The following PTPRD variants were observed in gnomAD, a reference collection of about 807,000 sequenced individuals.
The protein encoded by PTPRD is protein tyrosine phosphatase receptor type D, also known as receptor-type tyrosine-protein phosphatase delta.
A neutral mutation model predicts 214.5 loss-of-function variants in PTPRD; 34 were observed. The observed-to-expected ratio is 0.16, with a 90% CI of 0.12 to 0.21. PTPRD has a LOEUF of 0.21. Among genes scored for constraint, PTPRD ranks in the 10% least tolerant of loss-of-function variants. PTPRD has a pLI of 1.00. For synonymous variants in PTPRD, 1,128 were observed against 845.7 expected, an observed-to-expected ratio of 1.33 and a Z score of -5.79; for missense variants, 2,545 against 2,398.7, an observed-to-expected ratio of 1.06 and a Z score of -1.27.
intron 5 of PTPRD, among the ~76,000 whole-genome samples, chr9:9,777,482 C>T (rs2098807678): frequency 6.6e-6 from 1 of 152,040 alleles, no homozygotes; most frequent in Admixed American, 6.6e-5. Flanking sequence ...ATCACTTGAG[C>T]CCAAGAGTTT....
intron 14 of PTPRD, among the ~76,000 whole-genome samples, chr9:8,585,373 T>G (rs1292004287): frequency 6.6e-6 from 1 of 152,198 alleles, no homozygotes; most frequent in Non-Finnish European, 1.5e-5. Context: ...CCTGGTTCTG[T>G]CAAGGTTTAA....
chr9:10,171,158 T>C (rs565497044), intron 3 of PTPRD, among the ~76,000 whole-genome samples: 1 of 152,334 alleles, frequency 6.6e-6, no homozygotes, highest in African/African-American at 2.4e-5. Flanking sequence ...TATCTATACC[T>C]GGGAGATCTA....
At chr9:10,370,281 A>G (rs1327317938) in intron 2 of PTPRD, among the ~76,000 whole-genome samples, 1 of 152,122 alleles carries the variant, frequency 6.6e-6, no homozygotes, top group Admixed American at 6.6e-5. Flanking sequence ...GAAAGGAAGT[A>G]TTAGAACGCA....
At chr9:9,653,374 A>AAAAAAAAAG (rs2096421837) in intron 7 of PTPRD, among the ~76,000 whole-genome samples, 1 of 138,948 alleles carries the variant, frequency 7.2e-6, no homozygotes, top group African/African-American at 2.8e-5. Flanking sequence ...AAAAAAAAAA[A>AAAAAAAAAG]AAAAAAAAAA....
intron 2 of PTPRD, among the ~76,000 whole-genome samples, chr9:10,408,267 T>G (rs1565843859): frequency 6.6e-6 from 1 of 151,528 alleles, no homozygotes; most frequent in Non-Finnish European, 1.5e-5. Context: ...TAGAATGTGG[T>G]TATGGGCTAA....
At chr9:8,500,090 G>C (rs951357427) in intron 24 of PTPRD, among the ~76,000 whole-genome samples, 2 of 145,202 alleles carry the variant, frequency 1.4e-5, no homozygotes, top group Admixed American at 6.8e-5. Context: ...AAGAGTATCA[G>C]AGAAATAGAA....
At chr9:10,515,797 G>C (rs778331846) in intron 2 of PTPRD, among the ~76,000 whole-genome samples, 1 of 151,812 alleles carries the variant, frequency 6.6e-6, no homozygotes, top group Non-Finnish European at 1.5e-5. Flanking sequence ...GCTTCTATTA[G>C]TTTGATTATT....
intron 11 of PTPRD, among the ~76,000 whole-genome samples, chr9:8,896,490 T>C (rs548373030): frequency 3.3e-5 from 5 of 152,204 alleles, no homozygotes; most frequent in Non-Finnish European, 5.9e-5. Flanking sequence ...GGCTCAATGA[T>C]GAATGAAATT....
chr9:8,786,168 G>A (rs2095953785), intron 11 of PTPRD, among the ~76,000 whole-genome samples: 1 of 151,914 alleles, frequency 6.6e-6, no homozygotes, highest in Admixed American at 6.6e-5. Flanking sequence ...TATGGAAAAT[G>A]GCCATGGAAC....
chr9:9,661,712 C>T lies in PTPRD; in HGVS notation c.-287+72821G>A, dbSNP rs80156983. Among the ~76,000 whole-genome samples, 1,140 of 151,380 alleles carry T rather than the reference C, an allele frequency of 7.5e-3. 12 individuals carry two copies. The highest frequency in any genetic ancestry group is 0.026 in the African/African-American group (1,060 of 41,306). On this transcript the variant is annotated intron_variant, in intron 7 of 45. Coordinates refer to ENST00000381196, the MANE Select transcript of PTPRD (RefSeq NM_002839.4). Reference sequence around the variant, plus strand: ...ACTAGGTTTGACATACAACATGATTCGAAGAAGATGGTGATGTAAGATGTT... The same window carrying T: ...ACTAGGTTTGACATACAACATGATTTGAAGAAGATGGTGATGTAAGATGTT...
At chr9:10,520,990 CT>C (rs147521651) in intron 2 of PTPRD, among the ~76,000 whole-genome samples, 83 of 151,472 alleles carry the variant, frequency 5.5e-4, no homozygotes, top group African/African-American at 1.7e-3. Context: ...AACATGTAGC[CT>C]ATGGATCAAG....
At chr9:8,768,561 T>A (rs1365106008) in intron 11 of PTPRD, among the ~76,000 whole-genome samples, 2 of 151,966 alleles carry the variant, frequency 1.3e-5, no homozygotes, top group Non-Finnish European at 2.9e-5. Flanking sequence ...TCAAAATAAA[T>A]AAATAATTTT....
chr9:8,734,328 G>A (rs375394197), intron 11 of PTPRD, among the ~76,000 whole-genome samples: 4 of 152,224 alleles, frequency 2.6e-5, no homozygotes, highest in Non-Finnish European at 5.9e-5. Context: ...AGTGCTATGA[G>A]AAAGATTTAA....
intron 43 of PTPRD, among the ~76,000 whole-genome samples, chr9:8,333,542 C>A (rs888606069): frequency 6.6e-6 from 1 of 152,136 alleles, no homozygotes; most frequent in Non-Finnish European, 1.5e-5. Flanking sequence ...CTTACAAGAG[C>A]TCCTGAAGGA....
At chr9:9,007,790 T>C (rs1366419349) in intron 11 of PTPRD, among the ~76,000 whole-genome samples, 3 of 148,622 alleles carry the variant, frequency 2.0e-5, no homozygotes, top group Non-Finnish European at 3.0e-5. Context: ...TATCTTTCAG[T>C]TGTTTCTTTC....
At chr9:9,255,536 T>A (rs980813441) in intron 9 of PTPRD, among the ~76,000 whole-genome samples, 1 of 152,064 alleles carries the variant, frequency 6.6e-6, no homozygotes, top group Non-Finnish European at 1.5e-5. Context: ...AGAGAATGTA[T>A]GTAACATTGG....
At chr9:9,338,649 G>C (rs2045555788) in intron 9 of PTPRD, among the ~76,000 whole-genome samples, 1 of 152,026 alleles carries the variant, frequency 6.6e-6, no homozygotes, top group African/African-American at 2.4e-5. Context: ...AAAATCTAAA[G>C]CCTTCTCATT....
intron 3 of PTPRD, among the ~76,000 whole-genome samples, chr9:10,195,270 A>G (rs1046263075): frequency 1.3e-5 from 2 of 151,998 alleles, no homozygotes; most frequent in African/African-American, 4.8e-5. Flanking sequence ...CACTTTCCTC[A>G]TTTGGAAAAG....
chr9:8,507,142 T>TG (rs957138447), intron 22 of PTPRD, among the ~76,000 whole-genome samples, 159 bp downstream of exon 22: 4 of 151,926 alleles, frequency 2.6e-5, no homozygotes, highest in East Asian at 1.9e-4. Context: ...GGGTTTTTCT[T>TG]GGGGGGGAGG....
Sources: allele counts gnomAD v4.1 joint callset (sites outside exome capture counted in the v4.1 genomes callset), GRCh38; gene constraint gnomAD v4.1.1; transcripts MANE v1.5; gene names NCBI Gene and HGNC (gene_info 2026-07-23, HGNC 2026-07-21).